Variants in CREB5 observed in about 807,000 individuals in gnomAD.
The protein encoded by CREB5 is cyclic AMP-responsive element-binding protein 5.
Under a neutral mutation model 57.1 loss-of-function variants are expected in CREB5, and 19 were observed. The observed-to-expected ratio is 0.33, with a 90% CI of 0.23 to 0.49. CREB5 has a LOEUF of 0.49. Ranked by LOEUF, CREB5 falls within the 20% of genes least tolerant of loss-of-function variation. The probability of loss-of-function intolerance (pLI) is 0.99; values close to 1 mark genes in which losing one functional copy is unlikely to be tolerated. For synonymous variants in CREB5, 238 were observed against 238.3 expected, an observed-to-expected ratio of 1.00 and a Z score of 0.01; for missense variants, 579 against 671.6, an observed-to-expected ratio of 0.86 and a Z score of 1.52.
At chr7:28,325,275 G>A (rs1381913413) in intron 1 of CREB5, among the ~76,000 whole-genome samples, 1 of 152,124 alleles carries the variant, frequency 6.6e-6, no homozygotes, top group Non-Finnish European at 1.5e-5. Context: ...CTAACACGGT[G>A]AAACCCCGTC....
intron 1 of CREB5, among the ~76,000 whole-genome samples, chr7:28,311,560 C>T (rs998744384): frequency 2.6e-5 from 4 of 152,186 alleles, no homozygotes; most frequent in African/African-American, 9.7e-5. Context: ...TTATATTCTA[C>T]CCCAGGAAAT....
chr7:28,324,345 G>C (rs1372715739), intron 1 of CREB5, among the ~76,000 whole-genome samples: 1 of 151,958 alleles, frequency 6.6e-6, no homozygotes, highest in Admixed American at 6.6e-5. Context: ...CAGTCATTCC[G>C]GTTGAGTTTC....
intron 5 of CREB5, among the ~76,000 whole-genome samples, chr7:28,617,556 G>A (rs193302055): frequency 2.0e-5 from 3 of 152,332 alleles, no homozygotes; most frequent in Admixed American, 2.0e-4. Flanking sequence ...GATGGAGGAA[G>A]CACATAAATA....
intron 7 of CREB5, among the ~76,000 whole-genome samples, chr7:28,766,687 G>A (rs1242104375): frequency 6.6e-6 from 1 of 152,132 alleles, no homozygotes; most frequent in Non-Finnish European, 1.5e-5. Flanking sequence ...GTGGCTGCTT[G>A]GTTGTTGAAA....
chr7:28,715,909 T>C (rs1481123076), intron 5 of CREB5, among the ~76,000 whole-genome samples: 1 of 152,136 alleles, frequency 6.6e-6, no homozygotes, highest in African/African-American at 2.4e-5. Flanking sequence ...TGAAAGGCTA[T>C]CTTAATGAGG....
chr7:28,673,685 T>G (rs1304271500), intron 5 of CREB5, among the ~76,000 whole-genome samples: 1 of 106,632 alleles, frequency 9.4e-6, no homozygotes, highest in Non-Finnish European at 1.9e-5. Flanking sequence ...TTTTTTTTTT[T>G]TGGAGACATT....
chr7:28,564,030 A>T (rs370789223), intron 4 of CREB5, among the ~76,000 whole-genome samples: 1 of 152,106 alleles, frequency 6.6e-6, no homozygotes, highest in African/African-American at 2.4e-5. Flanking sequence ...GCTCTTTAAC[A>T]TCTTTTCTAT....
chr7:28,632,393 G>C, intron 5 of CREB5, among the ~76,000 whole-genome samples: 1 of 152,128 alleles, frequency 6.6e-6, no homozygotes, highest in East Asian at 1.9e-4. Context: ...GAACTGCCTG[G>C]CCAGGACTAG....
At chr7:28,473,475 TG>T (rs1363986380) in intron 1 of CREB5, among the ~76,000 whole-genome samples, 1 of 152,224 alleles carries the variant, frequency 6.6e-6, no homozygotes, top group Non-Finnish European at 1.5e-5. Flanking sequence ...TTTTGCTTTT[TG>T]TTTCTTTGCC....
chr7:28,571,780 A>G (rs1795713777), intron 5 of CREB5, among the ~76,000 whole-genome samples: 1 of 152,182 alleles, frequency 6.6e-6, no homozygotes, highest in Non-Finnish European at 1.5e-5. Context: ...AGATGAAATA[A>G]AAGATTTAAG....
intron 5 of CREB5, among the ~76,000 whole-genome samples, chr7:28,638,591 C>T (rs1334238056): frequency 6.6e-6 from 1 of 152,148 alleles, no homozygotes; most frequent in East Asian, 1.9e-4. Context: ...AAGACATCCA[C>T]CAGCCTCAGC....
intron 7 of CREB5, among the ~76,000 whole-genome samples, chr7:28,748,640 T>C (rs2237351): frequency 0.33 from 50,351 of 152,124 alleles, 8,739 homozygotes; most frequent in African/African-American, 0.4. Flanking sequence ...GTGGAACAAG[T>C]GAAGCTAGAA....
At chr7:28,642,987 T>TACACACATACACACACACACACACAC (rs1562544746) in intron 5 of CREB5, among the ~76,000 whole-genome samples, 4 of 98,404 alleles carry the variant, frequency 4.1e-5, no homozygotes, top group East Asian at 4.2e-4. Context: ...CACACACACA[T>TACACACATACACACACACACACACAC]ACACACACAC....
rs1180304182 is a variant in CREB5 at position 28,471,884 on chromosome 7, C to G, written c.4-16291C>G. ...CATTATCTCATTGTCCCACTGTAGC[C>G]ACTATTAATCTGTTAATGTTTGGCA... On this transcript the variant is annotated intron_variant, in intron 1 of 10. Coordinates refer to ENST00000357727, the MANE Select transcript of CREB5 (RefSeq NM_182898.4). Among the ~76,000 whole-genome samples, 3 of 152,148 alleles carry G rather than the reference C, an allele frequency of 2.0e-5. No homozygotes were observed. In the East Asian group the frequency reaches 5.8e-4, roughly 29 times the overall value.
intron 4 of CREB5, among the ~76,000 whole-genome samples, chr7:28,560,931 T>TGCGTGTGCGTGC (rs1467935536): frequency 2.1e-5 from 1 of 48,532 alleles, no homozygotes; most frequent in Non-Finnish European, 3.8e-5. Flanking sequence ...TGCGCGTGCG[T>TGCGTGTGCGTGC]GTGTGCGTGC....
Position 28,360,652 on chromosome 7 carries a change from C to G in CREB5, c.-25+61211C>G, listed in dbSNP as rs570177369. On this transcript the variant is annotated intron_variant, in intron 1 of 9. Coordinates refer to the CREB5 transcript ENST00000396299. ...AATGGAATTTGAGGTAATAGATAAG[C>G]TAATTAACTTGATCCAATCATTCCA... is the stretch of plus-strand genomic sequence containing the variant. Among the ~76,000 whole-genome samples the G allele has an allele frequency of 3.3e-5, 5 of 152,212 alleles. No homozygotes were observed. In the East Asian group the frequency reaches 9.6e-4, roughly 29 times the overall value.
Position 28,785,222 on chromosome 7 carries a change from G to A in CREB5, c.703-18977G>A, listed in dbSNP as rs187824652. Among the ~76,000 whole-genome samples, 212 of 152,296 alleles carry A rather than the reference G, an allele frequency of 1.4e-3. 1 individual carries two copies. Among genetic ancestry groups the A allele is most frequent in the African/African-American group, 4.6e-3 (190 of 41,568 alleles). ...GTGTGGAGACCTCCCAGGGTTCACCGGGGTTGGGAAGCATCTGGGTCGTAT... is the reference window on the plus strand; with the variant it reads ...GTGTGGAGACCTCCCAGGGTTCACCAGGGTTGGGAAGCATCTGGGTCGTAT... On this transcript the variant is annotated intron_variant, in intron 7 of 10. Coordinates refer to ENST00000357727, the MANE Select transcript of CREB5 (RefSeq NM_182898.4).
chr7:28,538,350 G>A (rs905611934), intron 4 of CREB5, among the ~76,000 whole-genome samples: 6 of 152,194 alleles, frequency 3.9e-5, no homozygotes, highest in African/African-American at 1.4e-4. Flanking sequence ...CACCGTGCCT[G>A]GCCTCTTACT....
chr7:28,824,995 A>G lies in CREB5; in HGVS notation c.*5716A>G, dbSNP rs550322432. On this transcript the variant is annotated 3_prime_UTR_variant, in exon 11 of 11. Transcript: ENST00000357727. ...AGCCATTTAAGATATTCTTACATTGAGCTTCATATTATAGAACTTTATAGG... is the reference window on the plus strand; with the variant it reads ...AGCCATTTAAGATATTCTTACATTGGGCTTCATATTATAGAACTTTATAGG... 17 of 152,640 alleles carry G rather than the reference A, an allele frequency of 1.1e-4. No homozygotes were observed. The highest frequency in any genetic ancestry group is 2.2e-4 in the Non-Finnish European group (15 of 68,036). 9.5% of individuals were successfully genotyped at this position (152,640 alleles called of 1,614,324 possible). A position where few individuals can be genotyped will look rare whatever the true frequency, so the allele number is the denominator to read the frequency against.
Sources: allele counts gnomAD v4.1 joint callset (sites outside exome capture counted in the v4.1 genomes callset), GRCh38; gene constraint gnomAD v4.1.1; transcripts MANE v1.5; gene names NCBI Gene and HGNC (gene_info 2026-07-23, HGNC 2026-07-21).